Variants in CLSTN3 observed in about 807,000 individuals in gnomAD.
CLSTN3 encodes calsyntenin-3.
In CLSTN3, 36 loss-of-function variants were observed where a neutral mutation model predicts 95.9. The observed-to-expected ratio is 0.38, with a 90% CI of 0.29 to 0.50. CLSTN3 has a LOEUF of 0.50. Ranked by LOEUF, CLSTN3 falls within the 20% of genes least tolerant of loss-of-function variation. The pLI, the probability that CLSTN3 is intolerant of heterozygous loss-of-function variation, is 0.95. For missense variants in CLSTN3, 1,084 were observed against 1,268.8 expected (o/e 0.85, Z 2.21); for synonymous variants, 481 against 504.0 (o/e 0.95, Z 0.61).
intron 8 of CLSTN3, among the ~76,000 whole-genome samples, chr12:7,140,835 G>A (rs79253787): frequency 0.12 from 17,501 of 152,104 alleles, 1,278 homozygotes; most frequent in South Asian, 0.23. Flanking sequence ...TGAGCCGAGG[G>A]GTTTGAGGCT....
chr12:7,152,167 GC>G (rs1316870312), intron 16 of CLSTN3, among the ~76,000 whole-genome samples: 1 of 151,652 alleles, frequency 6.6e-6, no homozygotes, highest in African/African-American at 2.4e-5. Flanking sequence ...TTTTTTCTAT[GC>G]TTAATTTTTC....
At chr12:7,132,991 G>T (rs747719727) in intron 1 of CLSTN3, 33 bp from the exon 2 acceptor site, 1 of 1,611,984 alleles carries the variant, frequency 6.2e-7, no homozygotes, top group Non-Finnish European at 8.5e-7. Context: ...CTGCTCACAG[G>T]TGCTTCCTCT....
Position 7,157,773 on chromosome 12 carries a change from C to A in CLSTN3, c.2730+82C>A, listed in dbSNP as rs1348634771. The A allele has an allele frequency of 6.6e-7, 1 of 1,508,238 alleles. No individual in the cohort carries two copies. The highest frequency in any genetic ancestry group is 8.9e-7 in the Non-Finnish European group (1 of 1,117,696). 93.4% of individuals were successfully genotyped at this position (1,508,238 alleles called of 1,614,324 possible). On this transcript the variant is annotated intron_variant, in intron 17 of 17. Transcript: ENST00000266546. The surrounding 1 kb of genome is among the most constrained non-coding windows in gnomAD (Gnocchi z 5.9). Reference sequence around the variant, plus strand: ...TGAGGACTCCTGAGGAGGGGCAGGCCTGGGTGGAGGCTGTTCGCAGAGCTG... The same window carrying A: ...TGAGGACTCCTGAGGAGGGGCAGGCATGGGTGGAGGCTGTTCGCAGAGCTG...
At position 7,138,101 on chromosome 12, in the gene CLSTN3, G is replaced by C. The variant is rs773614200; in HGVS notation, c.1323+34G>C. On this transcript the variant is annotated intron_variant, in intron 8 of 17. Coordinates refer to ENST00000266546, the MANE Select transcript of CLSTN3 (RefSeq NM_014718.4). ...AGAGCCAGGCTCCTGGGAGGGCTGA[G>C]TAGATGTGACTCACTTTTAGGAAAG... 2.0e-6 allele frequency: 3 copies of C among 1,535,426 alleles called. No individual in the cohort carries two copies. The South Asian group carries it at 3.4e-5, about 17-fold the overall frequency.
intron 1 of CLSTN3, chr12:7,131,706 C>G (rs749535505): frequency 6.7e-6 from 3 of 450,870 alleles, no homozygotes; most frequent in Middle Eastern, 1.1e-3. Context: ...GCCCTTCCAC[C>G]GCTCTCTCTT....
intron 16 of CLSTN3, chr12:7,156,924 G>A: frequency 2.3e-6 from 1 of 437,416 alleles, no homozygotes; most frequent in South Asian, 1.7e-5. Context: ...AGTGAGCTCA[G>A]TCCAGGTGGG....
intron 1 of CLSTN3, chr12:7,132,821 A>C: frequency 1.5e-6 from 1 of 654,364 alleles, no homozygotes; most frequent in Non-Finnish European, 2.7e-6. Context: ...CTATAGGAGA[A>C]GGCTATGACC....
In CLSTN3 at chr12:7,146,001, T is replaced by C. The variant is rs139677865; in HGVS notation, c.1847+2690T>C. On this transcript the variant is annotated intron_variant, in intron 12 of 17. Transcript: ENST00000266546. Reference sequence around the variant, plus strand: ...GTCTTATTACCTCTTATCTGGCCCATTGCCTCCTAACTAGCTGACCTATCT... The same window carrying C: ...GTCTTATTACCTCTTATCTGGCCCACTGCCTCCTAACTAGCTGACCTATCT... Among the ~76,000 whole-genome samples, 59 of 152,328 alleles carry C rather than the reference T, an allele frequency of 3.9e-4. No individual in the cohort carries two copies. In the East Asian group the frequency reaches 9.2e-3, roughly 24 times the overall value.
At chr12:7,136,800 G>T in intron 6 of CLSTN3, 29 bp from the exon 7 acceptor site, 1 of 1,608,300 alleles carries the variant, frequency 6.2e-7, no homozygotes, top group South Asian at 1.1e-5. Flanking sequence ...TCTTGGCTCT[G>T]ACACTTGTGC....
Position 7,133,746 on chromosome 12 carries a change from G to C in CLSTN3, c.361G>C (p.Ala121Pro). 6.3e-7 allele frequency: 1 copy of C among 1,585,056 alleles called. No individual in the cohort carries two copies. The change falls in exon 3 of 18, where the codon GCC becomes CCC. Residue 121 changes from alanine (A) to proline (P), a missense_variant. Physicochemically the swap from Ala to Pro is conservative, Grantham distance 27 (BLOSUM62 -1). Transcript: ENST00000266546. The surrounding 1 kb of genome is among the most constrained non-coding windows in gnomAD (Gnocchi z 4.7). ...TGACTGTGGCGAGGGCCCCGACGGG[G>C]CCAACACCAAGAAGTCCCACAAGTG... The part of the protein sequence containing the change: ...AYDCGEGPDG[A>P]NTKKSHKATV...
In CLSTN3 at chr12:7,133,018, G is replaced by A. The variant is rs1939336066; in HGVS notation, c.65-6G>A. 1 of 1,613,268 alleles carries A rather than the reference G, an allele frequency of 6.2e-7. No individual in the cohort carries two copies. Among genetic ancestry groups the A allele is most frequent in the Non-Finnish European group, 8.5e-7 (1 of 1,179,640 alleles). On this transcript the variant is annotated splice_polypyrimidine_tract_variant and splice_region_variant and intron_variant, in intron 1 of 17. Coordinates refer to ENST00000266546, the MANE Select transcript of CLSTN3 (RefSeq NM_014718.4). This position sits in a 1 kb window ranked among gnomAD's most constrained non-coding sequence, Gnocchi z 4.7. The stretch of plus-strand genomic sequence containing the variant: ...GCTTCCTCTCCTCTCCCTGGGGTGG[G>A]GCCAGCCAACAAGCACAAGCCATGG...
intron 12 of CLSTN3, among the ~76,000 whole-genome samples, chr12:7,145,346 GGTGTGTGT>G (rs4013711): frequency 6.7e-6 from 1 of 148,468 alleles, no homozygotes; most frequent in African/African-American, 2.5e-5. Context: ...AATATAGAGG[GGTGTGTGT>G]GTGTGTGTGT....
In CLSTN3 at chr12:7,133,108, T is replaced by G; in HGVS notation, c.149T>G (p.Leu50Arg). The change falls in exon 2 of 18, where the codon CTC becomes CGC. Residue 50 changes from leucine (L) to arginine (R), a missense_variant. Physicochemically the swap from Leu to Arg is moderately radical, Grantham distance 102. Transcript: ENST00000266546. The surrounding 1 kb of genome is among the most constrained non-coding windows in gnomAD (Gnocchi z 4.7). ...NDNTVLLNPP[L>R]FALDKDAPLR... ...AACACGGTCCTACTGAATCCACCAC[T>G]CTTTGCCTTGGACAAGGATGCCCCG... 6.2e-7 allele frequency: 1 copy of G among 1,614,048 alleles called. No homozygotes were observed. The highest frequency in any genetic ancestry group is 8.5e-7 in the Non-Finnish European group (1 of 1,179,998).
Position 7,158,186 on chromosome 12 carries a change from G to T in CLSTN3, c.*105G>T. 1 of 1,351,570 alleles carries T rather than the reference G, an allele frequency of 7.4e-7. No homozygotes were observed. The highest frequency in any genetic ancestry group is 1.5e-5 in the African/African-American group (1 of 67,824). 83.7% of individuals were successfully genotyped at this position (1,351,570 alleles called of 1,614,324 possible). ...GGGAACACAGAGACCAAGAGGGAGAGAGGCTTCAGAACCAGTCCTCCTTTC... is the reference window on the plus strand; with the variant it reads ...GGGAACACAGAGACCAAGAGGGAGATAGGCTTCAGAACCAGTCCTCCTTTC... On this transcript the variant is annotated 3_prime_UTR_variant, in exon 18 of 18. Coordinates refer to ENST00000266546, the MANE Select transcript of CLSTN3 (RefSeq NM_014718.4).
intron 12 of CLSTN3, among the ~76,000 whole-genome samples, chr12:7,146,953 C>A (rs1009854796): frequency 2.6e-5 from 4 of 152,188 alleles, no homozygotes; most frequent in South Asian, 4.1e-4. Context: ...CTCAGCACAT[C>A]CCGGGCATTG....
upstream of CLSTN3, chr12:7,130,080 G>A: frequency 5.1e-6 from 1 of 195,246 alleles, no homozygotes; most frequent in South Asian, 7.7e-5. Flanking sequence ...CCTCCTGGCC[G>A]CCCTCAGGTC....
In CLSTN3 at chr12:7,136,201, T is replaced by G; in HGVS notation, c.743-5T>G. 1 of 1,613,010 alleles carries G rather than the reference T, an allele frequency of 6.2e-7. No individual in the cohort carries two copies. Among genetic ancestry groups the G allele is most frequent in the Non-Finnish European group, 8.5e-7 (1 of 1,179,364 alleles). On this transcript the variant is annotated splice_region_variant and splice_polypyrimidine_tract_variant and intron_variant, in intron 5 of 17. Coordinates refer to ENST00000266546, the MANE Select transcript of CLSTN3 (RefSeq NM_014718.4). ...CCCATCACCCTCTCTGTCTCACCCATGCAGGCTGGAACAAAAGGATCGAAT... is the reference window on the plus strand; with the variant it reads ...CCCATCACCCTCTCTGTCTCACCCAGGCAGGCTGGAACAAAAGGATCGAAT...
chr12:7,130,068 C>A (rs1427273990), upstream of CLSTN3: 2 of 200,322 alleles, frequency 1.0e-5, no homozygotes, highest in African/African-American at 2.4e-5. Context: ...CGCGGTGCCA[C>A]CCCTCCTGGC....
At position 7,150,496 on chromosome 12, in the gene CLSTN3, G is replaced by T. The variant is rs1407942602; in HGVS notation, c.2246-48G>T. 18 of 1,584,318 alleles carry T rather than the reference G, an allele frequency of 1.1e-5. No homozygotes were observed. The highest frequency in any genetic ancestry group is 1.6e-5 in the Non-Finnish European group (18 of 1,159,798). ...AGTCCAGGAGAGAGGGTCCTGCCCAGGTCCTGCCTCCACTGGCCCCTGCCC... is the reference window on the plus strand; with the variant it reads ...AGTCCAGGAGAGAGGGTCCTGCCCATGTCCTGCCTCCACTGGCCCCTGCCC... On this transcript the variant is annotated intron_variant, in intron 14 of 17. Coordinates refer to ENST00000266546, the MANE Select transcript of CLSTN3 (RefSeq NM_014718.4). This position sits in a 1 kb window ranked among gnomAD's most constrained non-coding sequence, Gnocchi z 4.0.
Sources: gnomAD v4.1 joint callset for allele counts (sites outside exome capture counted in the v4.1 genomes callset) on GRCh38, gnomAD v4.1.1 for gene constraint, Gnocchi (gnomAD v3.1) non-coding constraint, MANE v1.5 for transcripts, NCBI Gene and HGNC (gene_info 2026-07-23, HGNC 2026-07-21) for gene names.